LIN54: variants seen among roughly 807,000 people sequenced by gnomAD.
The protein encoded by LIN54 is lin-54 DREAM MuvB core complex component, also known as protein lin-54 homolog.
In LIN54, 9 loss-of-function variants were observed where a neutral mutation model predicts 78.7. The observed-to-expected ratio is 0.11, with a 90% CI of 0.07 to 0.20. LIN54 has a LOEUF of 0.20. Among genes scored for constraint, LIN54 ranks in the 10% least tolerant of loss-of-function variants. The pLI is 1.00. For synonymous variants in LIN54, 269 were observed against 318.4 expected, an observed-to-expected ratio of 0.84 and a Z score of 1.65; for missense variants, 573 against 889.9, an observed-to-expected ratio of 0.64 and a Z score of 4.53.
At chr4:82,980,653 T>C (rs185084757) in intron 2 of LIN54, among the ~76,000 whole-genome samples, 2 of 152,248 alleles carry the variant, frequency 1.3e-5, no homozygotes, top group Non-Finnish European at 2.9e-5. Flanking sequence ...AATTATACTC[T>C]AGAAAGCTAA....
intron 1 of LIN54, among the ~76,000 whole-genome samples, chr4:82,999,107 T>C (rs555771463): frequency 6.6e-6 from 1 of 152,328 alleles, no homozygotes; most frequent in African/African-American, 2.4e-5. Flanking sequence ...ACATGAGCAG[T>C]TCCTCCTTCC....
chr4:82,995,870 G>T lies in LIN54; in HGVS notation c.-32-10994C>A, dbSNP rs557550636. ...TGCTAAAAGAAAGTTTCAGGACCAG[G>T]CACGGTGGCTCACACCTGTAATCCC... On this transcript the variant is annotated intron_variant, in intron 1 of 12. Transcript: ENST00000340417. Among the ~76,000 whole-genome samples, 4 of 151,776 alleles carry T rather than the reference G, an allele frequency of 2.6e-5. No homozygotes were observed. In the South Asian group the frequency reaches 8.3e-4, roughly 32 times the overall value.
chr4:82,981,866 T>C (rs531123147), intron 2 of LIN54, among the ~76,000 whole-genome samples: 2 of 152,032 alleles, frequency 1.3e-5, no homozygotes, highest in Non-Finnish European at 2.9e-5. Flanking sequence ...GCCCCATCTC[T>C]ACAAAAAAAA....
intron 1 of LIN54, among the ~76,000 whole-genome samples, chr4:83,008,003 G>A (rs1490245913): frequency 2.0e-5 from 3 of 151,956 alleles, no homozygotes; most frequent in African/African-American, 7.3e-5. Flanking sequence ...CCTTCACCAT[G>A]ACTCTATCCT....
At chr4:82,967,742 G>A (rs1247898237) in intron 4 of LIN54, among the ~76,000 whole-genome samples, 1 of 152,186 alleles carries the variant, frequency 6.6e-6, no homozygotes, top group Non-Finnish European at 1.5e-5. Context: ...TCTCCATTAA[G>A]TCCACATTTG....
chr4:82,995,685 C>T (rs888688399), intron 1 of LIN54, among the ~76,000 whole-genome samples: 1 of 151,176 alleles, frequency 6.6e-6, no homozygotes, highest in African/African-American at 2.4e-5. Context: ...TTAGTAAAGG[C>T]AGGGTTTTAC....
intron 4 of LIN54, among the ~76,000 whole-genome samples, chr4:82,949,110 G>C (rs1433727016): frequency 6.6e-6 from 1 of 152,096 alleles, no homozygotes; most frequent in Admixed American, 6.5e-5. Context: ...CATAATGGCT[G>C]CACCAATCTA....
At chr4:82,937,654 C>T (rs1443824234) in intron 8 of LIN54, among the ~76,000 whole-genome samples, 1 of 152,080 alleles carries the variant, frequency 6.6e-6, no homozygotes, top group Non-Finnish European at 1.5e-5. Context: ...GAGATTGCCT[C>T]AAAACTCTTG....
intron 1 of LIN54, among the ~76,000 whole-genome samples, chr4:82,998,466 C>T (rs1190372657): frequency 1.4e-5 from 2 of 140,254 alleles, no homozygotes; most frequent in African/African-American, 5.4e-5. Flanking sequence ...TTGCTTGAAC[C>T]CAGGAGGTGG....
At chr4:82,992,933 C>A (rs1394034836) in intron 1 of LIN54, among the ~76,000 whole-genome samples, 1 of 149,950 alleles carries the variant, frequency 6.7e-6, no homozygotes, top group Non-Finnish European at 1.5e-5. Context: ...GAGGCTGAGG[C>A]AGGAGAATGG....
intron 12 of LIN54, among the ~76,000 whole-genome samples, 170 bp from the exon 13 acceptor site, chr4:82,928,473 G>A (rs1056086371): frequency 6.6e-6 from 1 of 152,184 alleles, no homozygotes; most frequent in Admixed American, 6.5e-5. Flanking sequence ...GCTTTAAAAA[G>A]TTAAATTTGG....
intron 3 of LIN54, among the ~76,000 whole-genome samples, chr4:82,973,117 AC>A (rs1243201780): frequency 6.6e-6 from 1 of 152,182 alleles, no homozygotes; most frequent in Non-Finnish European, 1.5e-5. Flanking sequence ...TCTGTGGCCT[AC>A]GTTTTTTAAA....
At chr4:83,009,441 C>T (rs1243851127) in intron 1 of LIN54, among the ~76,000 whole-genome samples, 3 of 152,126 alleles carry the variant, frequency 2.0e-5, no homozygotes, top group Non-Finnish European at 4.4e-5. Context: ...GGGGGAAAAG[C>T]ATAGGGTCCA....
chr4:82,982,088 CT>C (rs1014076664), intron 2 of LIN54, among the ~76,000 whole-genome samples: 1 of 151,714 alleles, frequency 6.6e-6, no homozygotes, highest in Admixed American at 6.6e-5. Context: ...AGACCCCAGT[CT>C]TTTTTTTATT....
At chr4:82,963,017 G>A (rs1724928137) in intron 4 of LIN54, among the ~76,000 whole-genome samples, 1 of 151,514 alleles carries the variant, frequency 6.6e-6, no homozygotes, top group South Asian at 2.1e-4. Flanking sequence ...AAAAAGAAAT[G>A]AGCAACAACA....
intron 1 of LIN54, among the ~76,000 whole-genome samples, chr4:83,005,268 T>G (rs1729245551): frequency 6.6e-6 from 1 of 151,980 alleles, no homozygotes; most frequent in South Asian, 2.1e-4. Flanking sequence ...CTTAATAAAA[T>G]AAGTTAGGAC....
rs1450075805 is a variant in LIN54 at position 82,936,264 on chromosome 4, A to G, written c.1707+15T>C. Reference sequence around the variant, plus strand: ...TGGATATTTCTGTCAGTTAAATGAAATAAAAAATAATCACCTTTATTGCTT... The same window carrying G: ...TGGATATTTCTGTCAGTTAAATGAAGTAAAAAATAATCACCTTTATTGCTT... On this transcript the variant is annotated intron_variant, in intron 10 of 12. Transcript: ENST00000340417. 6.5e-7 allele frequency: 1 copy of G among 1,531,084 alleles called. No homozygotes were observed. The highest frequency in any genetic ancestry group is 1.2e-5 in the South Asian group (1 of 85,694). 94.8% of individuals were successfully genotyped at this position (1,531,084 alleles called of 1,614,324 possible).
At chr4:82,961,141 T>C (rs995805614) in intron 4 of LIN54, among the ~76,000 whole-genome samples, 2 of 152,320 alleles carry the variant, frequency 1.3e-5, no homozygotes, top group African/African-American at 2.4e-5. Flanking sequence ...GTTGATATAC[T>C]TGATGGGCTA....
chr4:82,972,547 T>C (rs1725750060), intron 3 of LIN54, among the ~76,000 whole-genome samples: 1 of 152,134 alleles, frequency 6.6e-6, no homozygotes, highest in Non-Finnish European at 1.5e-5. Flanking sequence ...CCAAAGCTAA[T>C]ACCTGTGAGA....
Sources: gnomAD v4.1 joint callset for allele counts (sites outside exome capture counted in the v4.1 genomes callset) on GRCh38, gnomAD v4.1.1 for gene constraint, MANE v1.5 for transcripts, NCBI Gene and HGNC (gene_info 2026-07-23, HGNC 2026-07-21) for gene names.